Variants in GSE1 observed in about 807,000 individuals in gnomAD.
GSE1 encodes the protein genetic suppressor element 1.
In GSE1, 32 loss-of-function variants were observed where a neutral mutation model predicts 112.6. The ratio of observed to expected loss-of-function variants is 0.28; its 90% CI spans 0.21 to 0.38. The LOEUF (loss-of-function observed/expected upper bound fraction) is 0.38. Ranked by LOEUF, GSE1 falls within the 10% of genes least tolerant of loss-of-function variation. The pLI is 1.00. For synonymous variants in GSE1, 1,115 were observed against 735.6 expected (o/e 1.52, Z -8.35); for missense variants, 2,348 against 1,699.2 (o/e 1.38, Z -6.71).
At chr16:85,364,126 G>A (rs1193739099) in intron 2 of GSE1, among the ~76,000 whole-genome samples, 2 of 152,228 alleles carry the variant, frequency 1.3e-5, no homozygotes, top group African/African-American at 4.8e-5. Context: ...TCCTTCTGGG[G>A]GCTCCAGGGG....
chr16:85,613,145 C>G (rs546792781), upstream of GSE1: 5 of 1,302,320 alleles, frequency 3.8e-6, no homozygotes, highest in South Asian at 8.8e-5. Context: ...CCGACACCTC[C>G]CGCTGGCTGA....
chr16:85,641,194 G>A (rs375605929), intron 2 of GSE1, among the ~76,000 whole-genome samples: 15 of 152,312 alleles, frequency 9.8e-5, no homozygotes, highest in Middle Eastern at 6.8e-3. Context: ...TCGTCCTAAC[G>A]TCCCACCTCC....
At chr16:85,333,657 T>C (rs2046422239) in intron 1 of GSE1, among the ~76,000 whole-genome samples, 1 of 152,202 alleles carries the variant, frequency 6.6e-6, no homozygotes, top group Non-Finnish European at 1.5e-5. Context: ...CTGGCTGGGT[T>C]ACAGGAGAGC....
chr16:85,227,022 C>T (rs1417811609), intron 1 of GSE1, among the ~76,000 whole-genome samples: 1 of 151,214 alleles, frequency 6.6e-6, no homozygotes, highest in Non-Finnish European at 1.5e-5. Flanking sequence ...TCCATCCATT[C>T]ACCCACCCAC....
intron 1 of GSE1, among the ~76,000 whole-genome samples, chr16:85,270,083 A>T (rs914032143): frequency 1.3e-5 from 2 of 149,136 alleles, no homozygotes; most frequent in African/African-American, 4.8e-5. Flanking sequence ...CCATGCGGCT[A>T]TGTTACCTTC....
chr16:85,663,171 A>C lies in GSE1; in HGVS notation c.2373+78A>C, dbSNP rs183409214. On this transcript the variant is annotated intron_variant, in intron 10 of 15. Transcript: ENST00000253458. ...GCGTCCACACCCTGCAGTCCACCCCACTGTTGCTAGGTTCCTCCGAAGTCC... is the reference window on the plus strand; with the variant it reads ...GCGTCCACACCCTGCAGTCCACCCCCCTGTTGCTAGGTTCCTCCGAAGTCC... The C allele has an allele frequency of 4.9e-4, 606 of 1,245,340 alleles. 2 individuals are homozygous for C. The highest frequency in any genetic ancestry group is 6.6e-4 in the Non-Finnish European group (570 of 858,232). The allele number at this position is 1,245,340 out of a possible 1,614,324, so 77.1% of individuals were successfully genotyped here.
intron 2 of GSE1, among the ~76,000 whole-genome samples, chr16:85,461,285 G>A (rs1221118133): frequency 6.6e-6 from 1 of 152,214 alleles, no homozygotes; most frequent in African/African-American, 2.4e-5. Context: ...TGCCAGCAGC[G>A]CTGTGACCCC....
chr16:85,527,634 C>A (rs763739664), intron 2 of GSE1, among the ~76,000 whole-genome samples: 4 of 152,274 alleles, frequency 2.6e-5, no homozygotes, highest in Non-Finnish European at 5.9e-5. Context: ...GGACCAGCAG[C>A]CTACCCCGGT....
chr16:85,508,490 G>T (rs558914272), intron 2 of GSE1, among the ~76,000 whole-genome samples: 1 of 152,336 alleles, frequency 6.6e-6, no homozygotes, highest in East Asian at 1.9e-4. Flanking sequence ...CACACGCCAT[G>T]GAGGGTAGGG....
chr16:85,416,114 A>G (rs2048697291), intron 2 of GSE1, among the ~76,000 whole-genome samples: 1 of 152,226 alleles, frequency 6.6e-6, no homozygotes, highest in Non-Finnish European at 1.5e-5. Flanking sequence ...ACAGTGGTGC[A>G]GCCATAAGTC....
chr16:85,183,963 G>A (rs1330314153), intron 1 of GSE1, among the ~76,000 whole-genome samples: 1 of 152,204 alleles, frequency 6.6e-6, no homozygotes, highest in Admixed American at 6.5e-5. Context: ...CAAGCTCCCA[G>A]TAAAAACTCG....
chr16:85,209,387 G>A (rs924297782), intron 1 of GSE1, among the ~76,000 whole-genome samples: 7 of 152,188 alleles, frequency 4.6e-5, no homozygotes, highest in Admixed American at 2.6e-4. Flanking sequence ...CCTGGCTCCC[G>A]TGCCCCCGCC....
intron 1 of GSE1, among the ~76,000 whole-genome samples, chr16:85,578,508 G>A (rs1331602679): frequency 1.3e-5 from 2 of 152,020 alleles, no homozygotes; most frequent in Admixed American, 6.6e-5. Flanking sequence ...TCTCTGTCTT[G>A]TTCTGTGCAA....
intron 2 of GSE1, among the ~76,000 whole-genome samples, chr16:85,390,898 C>T (rs1452645415): frequency 6.6e-6 from 1 of 152,220 alleles, no homozygotes; most frequent in Non-Finnish European, 1.5e-5. Flanking sequence ...ATGCGTCATG[C>T]TGGCAGAATG....
chr16:85,593,262 G>A (rs2047072905), intron 1 of GSE1: 2 of 152,288 alleles, frequency 1.3e-5, no homozygotes, highest in African/African-American at 2.4e-5. Flanking sequence ...GCCAGCTGGA[G>A]GGACGGGGCC....
In GSE1 at chr16:85,668,352, G is replaced by A. The variant is rs1292160825; in HGVS notation, c.3343G>A (p.Glu1115Lys). ...EEEDDEDGED[E>K]EEVPKRKWQG... ...GGAGGATGATGAAGATGGAGAAGAT[G>A]AGGAGGAAGTCCCCAAGCGCAAGTG... The change falls in exon 14 of 16, where the codon GAG (glutamate) becomes AAG (lysine). Residue 1115 changes from glutamate (E) to lysine (K), a missense_variant. Physicochemically the swap from Glu to Lys is moderately conservative, Grantham distance 56. Coordinates refer to ENST00000253458, the MANE Select transcript of GSE1 (RefSeq NM_014615.5). 1 of 1,612,666 alleles carries A rather than the reference G, an allele frequency of 6.2e-7. No individual in the cohort carries two copies.
chr16:85,395,546 C>T (rs2151655848), intron 2 of GSE1, among the ~76,000 whole-genome samples: 1 of 152,352 alleles, frequency 6.6e-6, no homozygotes, highest in East Asian at 1.9e-4. Flanking sequence ...AACACCCTCC[C>T]AGCAGCCAGC....
At chr16:85,192,088 C>T (rs981475853) in intron 1 of GSE1, among the ~76,000 whole-genome samples, 1 of 152,228 alleles carries the variant, frequency 6.6e-6, no homozygotes, top group Non-Finnish European at 1.5e-5. Flanking sequence ...GCTTCCAGCC[C>T]TTTTTTGCTC....
intron 1 of GSE1, among the ~76,000 whole-genome samples, chr16:85,347,951 C>G (rs1211026116): frequency 6.6e-6 from 1 of 152,236 alleles, no homozygotes; most frequent in Admixed American, 6.5e-5. Flanking sequence ...CTTCCAATGA[C>G]AAGCTTTTCT....
Sources: gnomAD v4.1 joint callset for allele counts (sites outside exome capture counted in the v4.1 genomes callset) on GRCh38, gnomAD v4.1.1 for gene constraint, MANE v1.5 for transcripts, NCBI Gene and HGNC (gene_info 2026-07-23, HGNC 2026-07-21) for gene names.